POFUT3: variants seen among roughly 807,000 people sequenced by gnomAD.
The protein encoded by POFUT3 is protein O-fucosyltransferase 3, also known as GDP-fucose protein O-fucosyltransferase 3.
the POFUT3 span, chr8:33,372,949 A>C: frequency 1.4e-6 from 1 of 736,516 alleles, no homozygotes; most frequent in Non-Finnish European, 2.2e-6. Context: ...GCCTCACTTA[A>C]TTCTTATGGT....
At chr8:33,335,717 G>A in the POFUT3 span, among the ~76,000 whole-genome samples, 1 of 152,186 alleles carries the variant, frequency 6.6e-6, no homozygotes, top group East Asian at 1.9e-4. Flanking sequence ...CACATATTTT[G>A]TATGTTACAT....
the POFUT3 span, among the ~76,000 whole-genome samples, chr8:33,387,596 G>C: frequency 6.6e-6 from 1 of 152,184 alleles, no homozygotes; most frequent in East Asian, 1.9e-4. Flanking sequence ...CTGAGGTCAG[G>C]AGTTCGAGAC....
chr8:33,382,967 C>G, the POFUT3 span, among the ~76,000 whole-genome samples: 1 of 152,148 alleles, frequency 6.6e-6, no homozygotes, highest in South Asian at 2.1e-4. Context: ...CCATATCACA[C>G]ACGTGCAACC....
the POFUT3 span, among the ~76,000 whole-genome samples, chr8:33,325,821 G>A: frequency 6.6e-6 from 1 of 152,136 alleles, no homozygotes; most frequent in Non-Finnish European, 1.5e-5. Context: ...CCAGTTAATG[G>A]TGTGAATGGT....
the POFUT3 span, among the ~76,000 whole-genome samples, chr8:33,332,002 G>A: frequency 2.6e-5 from 4 of 151,402 alleles, no homozygotes; most frequent in Non-Finnish European, 4.4e-5. Flanking sequence ...AAGTAAGCAG[G>A]CATGGTGGCA....
chr8:33,449,935 C>CTTTT, the POFUT3 span, among the ~76,000 whole-genome samples: 35 of 112,340 alleles, frequency 3.1e-4, 1 homozygote, highest in Non-Finnish European at 4.1e-4. Context: ...TGAAGCTTTT[C>CTTTT]TTTTTTTTTT....
chr8:33,394,873 A>T, the POFUT3 span, among the ~76,000 whole-genome samples: 16 of 152,126 alleles, frequency 1.1e-4, no homozygotes, highest in African/African-American at 3.9e-4. Flanking sequence ...TTAGCCCAAG[A>T]TTACAGTACT....
chr8:33,428,168 C>G, the POFUT3 span, among the ~76,000 whole-genome samples: 1 of 152,260 alleles, frequency 6.6e-6, no homozygotes, highest in Admixed American at 6.5e-5. Flanking sequence ...CTCCTTCTCT[C>G]TCCTGGTTCT....
chr8:33,337,153 T>C, the POFUT3 span, among the ~76,000 whole-genome samples: 1 of 151,968 alleles, frequency 6.6e-6, no homozygotes, highest in Admixed American at 6.5e-5. Context: ...TTACTCTACT[T>C]ACTCCCCACC....
At chr8:33,320,598 T>C in the POFUT3 span, among the ~76,000 whole-genome samples, 1 of 152,076 alleles carries the variant, frequency 6.6e-6, no homozygotes, top group Non-Finnish European at 1.5e-5. Context: ...TAGTTTTCGG[T>C]TGAGATCTGT....
the POFUT3 span, among the ~76,000 whole-genome samples, chr8:33,362,072 G>A: frequency 3.5e-3 from 536 of 152,208 alleles, 8 homozygotes; most frequent in African/African-American, 0.012. Context: ...CAGATCTATC[G>A]GCAGAAACCC....
chr8:33,448,269 C>G, the POFUT3 span, among the ~76,000 whole-genome samples: 4 of 152,084 alleles, frequency 2.6e-5, no homozygotes, highest in South Asian at 2.1e-4. Flanking sequence ...AAGGGAGTAG[C>G]CTTTTGTCCT....
the POFUT3 span, among the ~76,000 whole-genome samples, chr8:33,454,809 G>C: frequency 7.9e-5 from 12 of 152,078 alleles, no homozygotes; most frequent in African/African-American, 2.9e-4. Context: ...TGGGATTACA[G>C]GTGCCAGCCA....
the POFUT3 span, chr8:33,371,626 G>T: frequency 5.0e-4 from 76 of 152,208 alleles, no homozygotes; most frequent in African/African-American, 1.8e-3. Flanking sequence ...GTCTTCTGAG[G>T]TGCTCCAGTA....
At chr8:33,437,451 A>C in the POFUT3 span, among the ~76,000 whole-genome samples, 1,566 of 152,196 alleles carry the variant, frequency 0.01, 33 homozygotes, top group African/African-American at 0.036. Flanking sequence ...GGAAAAAAAA[A>C]CCATATAAAT....
At chr8:33,366,280 T>C in the POFUT3 span, among the ~76,000 whole-genome samples, 11 of 152,050 alleles carry the variant, frequency 7.2e-5, no homozygotes, top group Non-Finnish European at 1.6e-4. Context: ...GTGGGAGGGA[T>C]AGCATTAGGA....
the POFUT3 span, among the ~76,000 whole-genome samples, chr8:33,309,042 C>G: frequency 7.1e-6 from 1 of 141,068 alleles, no homozygotes; most frequent in Non-Finnish European, 1.5e-5. Flanking sequence ...AGTCTGGTGG[C>G]GAAACCTCCA....
the POFUT3 span, among the ~76,000 whole-genome samples, chr8:33,377,809 T>C: frequency 6.6e-6 from 1 of 152,206 alleles, no homozygotes; most frequent in African/African-American, 2.4e-5. Context: ...AAAGAGAACG[T>C]GGTTCCTAGC....
At chr8:33,359,119 C>A in the POFUT3 span, among the ~76,000 whole-genome samples, 1 of 152,120 alleles carries the variant, frequency 6.6e-6, no homozygotes, top group Non-Finnish European at 1.5e-5. Flanking sequence ...CTGCAACTTA[C>A]TTTCAAACAG....
Sources: gnomAD v4.1 joint callset for allele counts (sites outside exome capture counted in the v4.1 genomes callset) on GRCh38, gnomAD v4.1.1 for gene constraint, MANE v1.5 for transcripts, NCBI Gene and HGNC (gene_info 2026-07-23, HGNC 2026-07-21) for gene names.